CEP95: variants seen among roughly 807,000 people sequenced by gnomAD.
CEP95 encodes centrosomal protein of 95 kDa.
Under a neutral mutation model 111.2 loss-of-function variants are expected in CEP95, and 98 were observed. That is an observed-to-expected ratio of 0.88 (90% confidence interval 0.75 to 1.04). The LOEUF (loss-of-function observed/expected upper bound fraction) is 1.04, where lower values mean the gene tolerates loss of function less well. Among genes scored for constraint, CEP95 ranks in the 50% least tolerant of loss-of-function variants. CEP95 has a pLI of 0.00. For synonymous variants in CEP95, 323 were observed against 327.1 expected (o/e 0.99, Z 0.14); for missense variants, 1,027 against 977.2 (o/e 1.05, Z -0.68).
At chr17:64,517,000 A>G (rs925590505) in intron 5 of CEP95, among the ~76,000 whole-genome samples, 172 bp downstream of exon 5, 5 of 152,218 alleles carry the variant, frequency 3.3e-5, no homozygotes, top group Admixed American at 6.5e-5. Flanking sequence ...TGAGTTACAT[A>G]TAATACCTAA....
chr17:64,510,155 G>T lies in CEP95; in HGVS notation c.149-18G>T. On this transcript the variant is annotated intron_variant, in intron 2 of 19. Transcript: ENST00000556440. ...GCCTCTCATGGATACAAAATTATGT[G>T]ATTTTTTCCCCCCCCAGACCTCATA... 6.8e-7 allele frequency: 1 copy of T among 1,478,498 alleles called. No individual in the cohort carries two copies. Among genetic ancestry groups the T allele is most frequent in the South Asian group, 1.2e-5 (1 of 85,194 alleles). 91.6% of individuals were successfully genotyped at this position (1,478,498 alleles called of 1,614,324 possible). A position where few individuals can be genotyped will look rare whatever the true frequency, so the allele number is the denominator to read the frequency against.
chr17:64,536,805 T>C lies in CEP95; in HGVS notation c.2217+57T>C, dbSNP rs144698923. The C allele has an allele frequency of 4.1e-3, 6,273 of 1,538,402 alleles. 13 individuals are homozygous for C. The highest frequency in any genetic ancestry group is 4.9e-3 in the Non-Finnish European group (5,571 of 1,142,414). ...GCTTAGTCCTGACCACTTGCCCTTG[T>C]GGCAAAACTTGCTTAGTCTGTTGAC... On this transcript the variant is annotated intron_variant, in intron 18 of 19. Transcript: ENST00000556440.
intron 3 of CEP95, among the ~76,000 whole-genome samples, chr17:64,510,789 G>C (rs1303590172): frequency 6.6e-6 from 1 of 152,208 alleles, no homozygotes; most frequent in Non-Finnish European, 1.5e-5. Context: ...GGGCTCAGCT[G>C]ATCCACCTGG....
chr17:64,514,602 A>G, intron 4 of CEP95: 1 of 415,040 alleles, frequency 2.4e-6, no homozygotes, highest in Non-Finnish European at 4.2e-6. Context: ...TTTATACTAG[A>G]AAGATAAATT....
chr17:64,537,849 TAAAC>T lies in CEP95; in HGVS notation c.*72_*75del, dbSNP rs1968765093. 9.6e-5 allele frequency: 84 copies of T among 879,424 alleles called. 1 individual carries two copies. The South Asian group carries it at 2.1e-3, about 22-fold the overall frequency. 54.5% of individuals were successfully genotyped at this position (879,424 alleles called of 1,614,324 possible). A position where few individuals can be genotyped will look rare whatever the true frequency, so the allele number is the denominator to read the frequency against. On this transcript the variant is annotated 3_prime_UTR_variant, in exon 20 of 20. Coordinates refer to ENST00000556440, the MANE Select transcript of CEP95 (RefSeq NM_138363.3). ...CAGGACAGAGCTAGAATCGAGCCAG[TAAAC>T]AGTCTAAGCCAGAAAAATAATTTTC...
rs57166100 is a variant in CEP95, at chr17:64,510,162, T to A, written c.149-11T>A. 2.1e-6 allele frequency: 3 copies of A among 1,448,124 alleles called. No individual in the cohort carries two copies. The highest frequency in any genetic ancestry group is 2.8e-5 in the African/African-American group (2 of 70,492). 89.7% of individuals were successfully genotyped at this position (1,448,124 alleles called of 1,614,324 possible). A position where few individuals can be genotyped will look rare whatever the true frequency, so the allele number is the denominator to read the frequency against. ...ATGGATACAAAATTATGTGATTTTT[T>A]CCCCCCCCAGACCTCATAGTTATTC... On this transcript the variant is annotated splice_polypyrimidine_tract_variant and intron_variant, in intron 2 of 19. Transcript: ENST00000556440.
At chr17:64,537,458 T>G in intron 19 of CEP95, 145 bp from the exon 20 acceptor site, 1 of 1,386,456 alleles carries the variant, frequency 7.2e-7, no homozygotes, top group Non-Finnish European at 9.3e-7. Flanking sequence ...GATTTTAACT[T>G]TAGTTAGGTC....
chr17:64,537,148 A>C, intron 19 of CEP95, 36 bp downstream of exon 19: 1 of 1,600,610 alleles, frequency 6.2e-7, no homozygotes, highest in Non-Finnish European at 8.5e-7. Context: ...CATGCACTGC[A>C]TGGCAATGTT....
chr17:64,510,245 T>G lies in CEP95; in HGVS notation c.221T>G (p.Leu74Trp). The change falls in exon 3 of 20, where the codon TTG becomes TGG. Residue 74 changes from leucine to tryptophan, a missense_variant. Leu to Trp is a moderately conservative substitution (Grantham distance 61). Coordinates refer to ENST00000556440, the MANE Select transcript of CEP95 (RefSeq NM_138363.3). ...CAAGCAGTAATTGATTCACTGGCCT[T>G]GGACTACTTGCAGGTCAGCTTGTCT... ...NVQAVIDSLALDYLQVSLSHI... is the reference protein window; with the variant it reads ...NVQAVIDSLAWDYLQVSLSHI... 6.2e-7 allele frequency: 1 copy of G among 1,611,150 alleles called. No individual in the cohort carries two copies.
intron 4 of CEP95, chr17:64,515,674 T>C (rs1281179961): frequency 6.6e-6 from 1 of 152,222 alleles, no homozygotes; most frequent in Non-Finnish European, 1.5e-5. Context: ...TATATGACAG[T>C]ACCTTAGCTG....
intron 1 of CEP95, 76 bp downstream of exon 1, chr17:64,507,192 A>ACTGGGT: frequency 2.6e-6 from 4 of 1,549,290 alleles, no homozygotes; most frequent in Non-Finnish European, 3.5e-6. Flanking sequence ...GCTAGCCCGG[A>ACTGGGT]CTGGGTCTGG....
intron 2 of CEP95, 46 bp from the exon 3 acceptor site, chr17:64,510,127 T>C (rs782505325): frequency 9.5e-7 from 1 of 1,053,802 alleles, no homozygotes; most frequent in South Asian, 1.3e-5. Context: ...AGATGAAAAC[T>C]TGGCCTCTCA....
At chr17:64,509,564 A>G (rs938415187) in intron 2 of CEP95, among the ~76,000 whole-genome samples, 4 of 152,226 alleles carry the variant, frequency 2.6e-5, no homozygotes, top group African/African-American at 4.8e-5. Context: ...GCACGCCTAT[A>G]AACCCAGCTA....
chr17:64,506,921 T>C (rs2038562371), upstream of CEP95: 14 of 737,042 alleles, frequency 1.9e-5, 1 homozygote, highest in South Asian at 2.2e-4. Flanking sequence ...AGTGCTCCTC[T>C]GATGACCAAT....
At chr17:64,526,514 T>G (rs1197065668) in intron 10 of CEP95, among the ~76,000 whole-genome samples, 1 of 152,222 alleles carries the variant, frequency 6.6e-6, no homozygotes, top group African/African-American at 2.4e-5. Context: ...TAAAGACAGA[T>G]CTGGTATAAA....
intron 10 of CEP95, 89 bp downstream of exon 10, chr17:64,526,289 A>G (rs1454604605): frequency 2.3e-6 from 3 of 1,302,128 alleles, no homozygotes; most frequent in Non-Finnish European, 3.1e-6. Context: ...GGTATTAGAA[A>G]ATTAGTTGTG....
At chr17:64,526,037 C>T in intron 9 of CEP95, 34 bp from the exon 10 acceptor site, 23 of 1,596,886 alleles carry the variant, frequency 1.4e-5, no homozygotes, top group Non-Finnish European at 1.9e-5. Flanking sequence ...AGACACCTAG[C>T]TATTTTACTG....
chr17:64,514,455 TTCAC>T, intron 4 of CEP95, 97 bp downstream of exon 4: 1 of 672,906 alleles, frequency 1.5e-6, no homozygotes, highest in Non-Finnish European at 2.7e-6. Flanking sequence ...AGGAAGCAGA[TTCAC>T]TAATACAGTA....
chr17:64,508,173 T>C (rs1272578520), intron 1 of CEP95: 2 of 985,306 alleles, frequency 2.0e-6, no homozygotes, highest in Non-Finnish European at 2.4e-6. Context: ...ACCAATACTA[T>C]TGCAAGTGCG....
Sources: allele counts gnomAD v4.1 joint callset (sites outside exome capture counted in the v4.1 genomes callset), GRCh38; gene constraint gnomAD v4.1.1; transcripts MANE v1.5; gene names NCBI Gene and HGNC (gene_info 2026-07-23, HGNC 2026-07-21).